The following SELENON variants were observed in gnomAD, a reference collection of about 807,000 sequenced individuals.
SELENON encodes the protein selenoprotein N.
A neutral mutation model predicts 59.5 loss-of-function variants in SELENON; 44 were observed. The ratio of observed to expected loss-of-function variants is 0.74; its 90% CI spans 0.58 to 0.95. The LOEUF (loss-of-function observed/expected upper bound fraction) is 0.95, where lower values mean the gene tolerates loss of function less well. Among genes scored for constraint, SELENON ranks in the 40% least tolerant of loss-of-function variants. The probability of loss-of-function intolerance (pLI) is 0.00; values close to 1 mark genes in which losing one functional copy is unlikely to be tolerated. For synonymous variants in SELENON, 320 were observed against 305.6 expected, an observed-to-expected ratio of 1.05 and a Z score of -0.49; for missense variants, 674 against 721.4, an observed-to-expected ratio of 0.93 and a Z score of 0.75.
Position 25,815,541 on chromosome 1 carries a change from C to A in SELENON, c.1603-7C>A. 6.2e-7 allele frequency: 1 copy of A among 1,613,952 alleles called. No homozygotes were observed. The highest frequency in any genetic ancestry group is 8.5e-7 in the Non-Finnish European group (1 of 1,179,914). ...GCCCCACTTGCCTCACCCGGCCCTTCTCCCAGGTCCATCACATCAATGCCA... is the reference window on the plus strand; with the variant it reads ...GCCCCACTTGCCTCACCCGGCCCTTATCCCAGGTCCATCACATCAATGCCA... On this transcript the variant is annotated splice_polypyrimidine_tract_variant and splice_region_variant and intron_variant, in intron 12 of 12. Transcript: ENST00000361547.
At position 25,807,890 on chromosome 1, in the gene SELENON, T is replaced by C. The variant is rs952916931; in HGVS notation, c.538-690T>C. ...AGACAGAGGCGAGGCAGGTCACCGA[T>C]GAGGACTCGGGCTTAGGGAAGGCCT... On this transcript the variant is annotated intron_variant, in intron 4 of 12. Coordinates refer to ENST00000361547, the MANE Select transcript of SELENON (RefSeq NM_020451.3). This position sits in a 1 kb window ranked among gnomAD's most constrained non-coding sequence, Gnocchi z 4.5. Among the ~76,000 whole-genome samples the C allele has an allele frequency of 1.3e-5, 2 of 152,176 alleles. No individual in the cohort carries two copies. Among genetic ancestry groups the C allele is most frequent in the African/African-American group, 4.8e-5 (2 of 41,438 alleles).
intron 3 of SELENON, among the ~76,000 whole-genome samples, chr1:25,802,652 G>A (rs1022680881): frequency 6.6e-6 from 1 of 152,186 alleles, no homozygotes; most frequent in Non-Finnish European, 1.5e-5. Flanking sequence ...CACTGTGCCC[G>A]GCCTCCTATT....
chr1:25,811,812 G>C lies in SELENON; in HGVS notation c.1214G>C (p.Trp405Ser), dbSNP rs2047962899. 6.3e-7 allele frequency: 1 copy of C among 1,586,488 alleles called. No homozygotes were observed. The change falls in exon 9 of 13, where the codon TGG (tryptophan) becomes TCG (serine). Residue 405 changes from tryptophan (W) to serine (S), a missense_variant. By Grantham distance (177) the Trp-to-Ser change is radical. Coordinates refer to ENST00000361547, the MANE Select transcript of SELENON (RefSeq NM_020451.3). ...CAGTTTGTGTTTGAGGAGATCAAGT[G>C]GCAGCAGGAGCTGAGCTGGGAGGAG...
At chr1:25,804,376 G>C (rs1474005315) in intron 3 of SELENON, among the ~76,000 whole-genome samples, 1 of 152,134 alleles carries the variant, frequency 6.6e-6, no homozygotes, top group African/African-American at 2.4e-5. Context: ...CAAATGCCAG[G>C]CATCATCTCT....
intron 11 of SELENON, 38 bp from the exon 11 acceptor site, chr1:25,814,039 G>A: frequency 6.2e-7 from 1 of 1,610,406 alleles, no homozygotes; most frequent in Non-Finnish European, 8.5e-7. Flanking sequence ...AACAGTGGTG[G>A]GGGCCGCGGC....
At chr1:25,806,946 C>G (rs1227662744) in intron 4 of SELENON, among the ~76,000 whole-genome samples, 1 of 151,942 alleles carries the variant, frequency 6.6e-6, no homozygotes, top group African/African-American at 2.4e-5. Context: ...TTCAGCCTCC[C>G]GAGTAGCTGG....
In SELENON at chr1:25,804,001, CATT is replaced by C. The variant is rs571658031; in HGVS notation, c.404-1133_404-1131del. 1.2e-4 allele frequency among the ~76,000 whole-genome samples: 19 copies of C among 152,264 alleles called. No homozygotes were observed. The East Asian group carries it at 3.3e-3, about 26-fold the overall frequency. On this transcript the variant is annotated intron_variant, in intron 3 of 12. Transcript: ENST00000361547. ...TACAGGCATGAGCTGCCTTGGGAATCATTATTATTAATATTTATCTGTGATATC... is the reference window on the plus strand; with the variant it reads ...TACAGGCATGAGCTGCCTTGGGAATCATTATTAATATTTATCTGTGATATC...
Position 25,814,281 on chromosome 1 carries a change from G to A in SELENON, c.1602+103G>A, listed in dbSNP as rs186473352. ...GCAGACTTCATCAGGCTTCGGGACT[G>A]TCCCTGCCACTTCCTGGCTGCAAAG... On this transcript the variant is annotated intron_variant, in intron 12 of 12. Coordinates refer to ENST00000361547, the MANE Select transcript of SELENON (RefSeq NM_020451.3). The A allele has an allele frequency of 1.6e-4, 132 of 851,386 alleles. No homozygotes were observed. The East Asian group carries it at 3.4e-3, about 22-fold the overall frequency. The allele number at this position is 851,386 out of a possible 1,614,324, so 52.7% of individuals were successfully genotyped here.
At position 25,801,045 on chromosome 1, in the gene SELENON, A is replaced by G. The variant is rs777994853; in HGVS notation, c.186A>G (p.Glu62=). The G allele has an allele frequency of 2.0e-5, 32 of 1,613,714 alleles. No homozygotes were observed. Among genetic ancestry groups the G allele is most frequent in the Non-Finnish European group, 2.7e-5 (32 of 1,179,758 alleles). ...GCCCAGTCTCTCCTCCCAAGCAGGAACTGGCGCTGAAGACCCTGGGGACAG... is the reference window on the plus strand; with the variant it reads ...GCCCAGTCTCTCCTCCCAAGCAGGAGCTGGCGCTGAAGACCCTGGGGACAG... The change falls in exon 2 of 13, where the codon GAA becomes GAG. Residue 62 remains glutamate (E), a splice_region_variant and synonymous_variant. Coordinates refer to ENST00000361547, the MANE Select transcript of SELENON (RefSeq NM_020451.3).
rs1305701326 is a variant in SELENON at position 25,815,992 on chromosome 1, G to C, written c.*274G>C. On this transcript the variant is annotated 3_prime_UTR_variant, in exon 13 of 13. Coordinates refer to ENST00000361547, the MANE Select transcript of SELENON (RefSeq NM_020451.3). Reference sequence around the variant, plus strand: ...CTCTGGAAGCTGCTTGGCCCCCCCAGATCAGGGCCTGGGTGAACTCCCTGG... The same window carrying C: ...CTCTGGAAGCTGCTTGGCCCCCCCACATCAGGGCCTGGGTGAACTCCCTGG... The C allele has an allele frequency of 6.2e-6, 3 of 485,784 alleles. No individual in the cohort carries two copies. Among genetic ancestry groups the C allele is most frequent in the Non-Finnish European group, 1.1e-5 (3 of 264,538 alleles). The allele number at this position is 485,784 out of a possible 1,614,324, so 30.1% of individuals were successfully genotyped here. A position where few individuals can be genotyped will look rare whatever the true frequency, so the allele number is the denominator to read the frequency against.
intron 2 of SELENON, among the ~76,000 whole-genome samples, chr1:25,801,745 G>C (rs2047862589): frequency 6.6e-6 from 1 of 152,154 alleles, no homozygotes; most frequent in Admixed American, 6.5e-5. Context: ...AGTATTTCAT[G>C]TGGGTTCTCT....
intron 3 of SELENON, among the ~76,000 whole-genome samples, chr1:25,804,662 CAAA>C (rs1415033674): frequency 4.0e-5 from 4 of 100,330 alleles, no homozygotes; most frequent in Non-Finnish European, 4.2e-5. Context: ...CCCCCCGCCG[CAAA>C]AAAAAAAAAA....
At position 25,817,704 on chromosome 1, in the gene SELENON, A is replaced by G. The variant is rs2048023410; in HGVS notation, c.*1986A>G. The G allele has an allele frequency of 6.6e-6, 1 of 152,066 alleles. No homozygotes were observed. The highest frequency in any genetic ancestry group is 2.1e-4 in the South Asian group (1 of 4,814). The allele number at this position is 152,066 out of a possible 1,614,324, so 9.4% of individuals were successfully genotyped here. A position where few individuals can be genotyped will look rare whatever the true frequency, so the allele number is the denominator to read the frequency against. ...AGATTCAAACCCACATGTGGCTCCA[A>G]AGTCTGCATCTGGATTTGGGGGTGT... On this transcript the variant is annotated 3_prime_UTR_variant, in exon 13 of 13. Coordinates refer to ENST00000361547, the MANE Select transcript of SELENON (RefSeq NM_020451.3).
chr1:25,805,317 C>T (rs1318845156), intron 4 of SELENON, 42 bp downstream of exon 3: 4 of 1,613,016 alleles, frequency 2.5e-6, no homozygotes, highest in Non-Finnish European at 2.5e-6. Context: ...CTGTGTGTAT[C>T]CCGAAGATGA....
In SELENON at chr1:25,811,347, A is replaced by G. The variant is rs2047957904; in HGVS notation, c.1011-107A>G. 7.9e-6 allele frequency: 8 copies of G among 1,006,452 alleles called. No homozygotes were observed. In the South Asian group the frequency reaches 1.0e-4, roughly 13 times the overall value. 62.3% of individuals were successfully genotyped at this position (1,006,452 alleles called of 1,614,324 possible). ...GCAGGTGTTCACCTTGAGAAACCTC[A>G]GTGTCCTCATCTGGAAAGTGGAGAC... On this transcript the variant is annotated intron_variant, in intron 7 of 12. Transcript: ENST00000361547.
chr1:25,808,944 C>A, intron 5 of SELENON, 82 bp from the exon 5 acceptor site: 2 of 1,608,122 alleles, frequency 1.2e-6, no homozygotes, highest in South Asian at 1.1e-5. Flanking sequence ...CCTGGGCCGT[C>A]GGGTCTGGGC....
At position 25,811,862 on chromosome 1, in the gene SELENON, A is replaced by G. The variant is rs1166201938; in HGVS notation, c.1264A>G (p.Met422Val). ...GGCTGCCCGGCGCCTGGAGGTGGCC[A>G]TGTACCCCTTCAAGAAGGTGAGGCT... The change falls in exon 9 of 13, where the codon ATG becomes GTG. Residue 422 changes from methionine to valine, a missense_variant. Transcript: ENST00000361547. The G allele has an allele frequency of 1.3e-6, 2 of 1,568,390 alleles. No individual in the cohort carries two copies. Among genetic ancestry groups the G allele is most frequent in the African/African-American group, 2.7e-5 (2 of 74,030 alleles).
chr1:25,805,245 C>A lies in SELENON; in HGVS notation c.507C>A (p.Thr169=). Residue 169 remains threonine, a synonymous_variant, in exon 4 of 13, where the codon ACC becomes ACA. Coordinates refer to ENST00000361547, the MANE Select transcript of SELENON (RefSeq NM_020451.3). ...GATTCCAGCCTCTGCTCCCGGAGAC[C>A]ATGACCAAGAGCAAAGATGGCTTCC... 1.9e-6 allele frequency: 3 copies of A among 1,614,204 alleles called. No individual in the cohort carries two copies. Among genetic ancestry groups the A allele is most frequent in the South Asian group, 2.2e-5 (2 of 91,088 alleles).
At chr1:25,812,353 AAAAATAAATG>A (rs2047968197) in intron 9 of SELENON, among the ~76,000 whole-genome samples, 1 of 152,060 alleles carries the variant, frequency 6.6e-6, no homozygotes, top group East Asian at 1.9e-4. Flanking sequence ...TCTCAAAATA[AAAAATAAATG>A]AAAATAATAA....
Sources: gnomAD v4.1 joint callset for allele counts (sites outside exome capture counted in the v4.1 genomes callset) on GRCh38, gnomAD v4.1.1 for gene constraint, Gnocchi (gnomAD v3.1) non-coding constraint, MANE v1.5 for transcripts, NCBI Gene and HGNC (gene_info 2026-07-23, HGNC 2026-07-21) for gene names.